Variants in NPAS3 observed in about 807,000 individuals in gnomAD.
NPAS3 encodes the protein neuronal PAS domain-containing protein 3.
NPAS3 carries 14 observed loss-of-function variants against 73.1 expected under a neutral mutation model. The ratio of observed to expected loss-of-function variants is 0.19; its 90% CI spans 0.13 to 0.30. The LOEUF is 0.30. Among genes scored for constraint, NPAS3 ranks in the 10% least tolerant of loss-of-function variants. NPAS3 has a pLI of 1.00. For synonymous variants in NPAS3, 620 were observed against 541.5 expected (o/e 1.14, Z -2.01); for missense variants, 1,096 against 1,250.0 (o/e 0.88, Z 1.86).
At position 33,800,313 on chromosome 14, in the gene NPAS3, C is replaced by A; in HGVS notation, c.2006C>A (p.Pro669His). 6.2e-7 allele frequency: 1 copy of A among 1,613,438 alleles called. No individual in the cohort carries two copies. Among genetic ancestry groups the A allele is most frequent in the Non-Finnish European group, 8.5e-7 (1 of 1,179,642 alleles). ...GACAGCAGCATCTGGAACTACCCGC[C>A]CAACCGGGAGATCTCCAGGAACGAG... The change falls in exon 12 of 12, where the codon CCC (proline) becomes CAC (histidine). Residue 669 changes from proline (P) to histidine (H), a missense_variant. Physicochemically the swap from Pro to His is moderately conservative, Grantham distance 77. Coordinates refer to ENST00000356141, the Ensembl canonical transcript of NPAS3. The surrounding 1 kb of genome is among the most constrained non-coding windows in gnomAD (Gnocchi z 6.5).
intron 1 of NPAS3, among the ~76,000 whole-genome samples, chr14:33,020,451 A>C (rs2039552228): frequency 6.6e-6 from 1 of 152,236 alleles, no homozygotes; most frequent in African/African-American, 2.4e-5. Flanking sequence ...ATGCAGGGAA[A>C]ATCCAGTGAA....
chr14:33,350,144 T>G (rs775447553), intron 3 of NPAS3, among the ~76,000 whole-genome samples: 2 of 152,176 alleles, frequency 1.3e-5, no homozygotes, highest in African/African-American at 2.4e-5. Context: ...TTCACTGTAA[T>G]GAGCTCTGGT....
intron 4 of NPAS3, among the ~76,000 whole-genome samples, chr14:33,475,579 A>G (rs578221216): frequency 6.6e-6 from 1 of 151,660 alleles, no homozygotes; most frequent in Admixed American, 6.6e-5. Context: ...CTAATTTTAT[A>G]AACAGATCTT....
chr14:32,972,235 G>A (rs1248673830), intron 1 of NPAS3, among the ~76,000 whole-genome samples: 1 of 151,812 alleles, frequency 6.6e-6, no homozygotes, highest in African/African-American at 2.4e-5. Context: ...ACCGCGCCTG[G>A]CCATCAGTGG....
intron 5 of NPAS3, among the ~76,000 whole-genome samples, chr14:33,632,602 T>C (rs1267841791): frequency 1.3e-5 from 2 of 152,126 alleles, no homozygotes; most frequent in Non-Finnish European, 2.9e-5. Flanking sequence ...GAGTCTATGG[T>C]TTGGGCCTTT....
chr14:33,366,512 G>A lies in NPAS3; in HGVS notation c.386-674G>A, dbSNP rs545024346. ...AAAACAGGAGTGTTCGGGAACTCCA[G>A]ATAAGAAACAGTCACTGACCTGGTG... On this transcript the variant is annotated intron_variant, in intron 3 of 11. Transcript: ENST00000356141. 9.2e-5 allele frequency among the ~76,000 whole-genome samples: 14 copies of A among 152,258 alleles called. No individual in the cohort carries two copies. In the South Asian group the frequency reaches 2.9e-3, roughly 32 times the overall value.
At chr14:33,400,412 C>T (rs2047397658) in intron 4 of NPAS3, among the ~76,000 whole-genome samples, 1 of 152,072 alleles carries the variant, frequency 6.6e-6, no homozygotes. Flanking sequence ...TTGTTAGGGC[C>T]ATAGAGAGAA....
chr14:33,640,662 G>T (rs1003026137), intron 5 of NPAS3, among the ~76,000 whole-genome samples: 1 of 152,076 alleles, frequency 6.6e-6, no homozygotes, highest in Non-Finnish European at 1.5e-5. Context: ...CAATTGCAGC[G>T]GTCTACCAAG....
intron 1 of NPAS3, among the ~76,000 whole-genome samples, chr14:33,024,899 C>T (rs1214386845): frequency 1.3e-5 from 2 of 152,114 alleles, no homozygotes; most frequent in African/African-American, 4.8e-5. Flanking sequence ...GACCACAATA[C>T]CCATGTAATG....
intron 2 of NPAS3, among the ~76,000 whole-genome samples, chr14:33,154,799 G>A (rs1374699920): frequency 1.3e-5 from 2 of 152,128 alleles, no homozygotes; most frequent in African/African-American, 4.8e-5. Context: ...TTTGTACTAT[G>A]TTTGAAATGA....
intron 2 of NPAS3, among the ~76,000 whole-genome samples, chr14:33,185,565 G>A (rs1035957697): frequency 3.3e-5 from 5 of 152,048 alleles, no homozygotes; most frequent in African/African-American, 1.2e-4. Flanking sequence ...TAGGAATGGT[G>A]GTAAGGATTC....
At chr14:33,052,737 C>T (rs1312102210) in intron 1 of NPAS3, among the ~76,000 whole-genome samples, 1 of 152,150 alleles carries the variant, frequency 6.6e-6, no homozygotes, top group Non-Finnish European at 1.5e-5. Context: ...GTGGCAATAC[C>T]TAGGCACAAG....
chr14:33,787,710 G>A (rs2063222150), intron 9 of NPAS3, among the ~76,000 whole-genome samples: 1 of 152,008 alleles, frequency 6.6e-6, no homozygotes, highest in South Asian at 2.1e-4. Context: ...CAAAGCCTCG[G>A]TTGATCCTAT....
In NPAS3 at chr14:33,197,807, T is replaced by G. The variant is rs188894791; in HGVS notation, c.141-17375T>G. Among the ~76,000 whole-genome samples, 111 of 152,366 alleles carry G rather than the reference T, an allele frequency of 7.3e-4. 1 individual carries two copies. The highest frequency in any genetic ancestry group is 2.5e-3 in the African/African-American group (105 of 41,592). ...CCTTTCTCTGTAATCTCTTATGTGTTCTCTTTGGAGCAACTGCTGTGTCCC... is the reference window on the plus strand; with the variant it reads ...CCTTTCTCTGTAATCTCTTATGTGTGCTCTTTGGAGCAACTGCTGTGTCCC... On this transcript the variant is annotated intron_variant, in intron 2 of 11. Transcript: ENST00000356141.
At chr14:33,401,854 T>G (rs1325576661) in intron 4 of NPAS3, among the ~76,000 whole-genome samples, 1 of 151,966 alleles carries the variant, frequency 6.6e-6, no homozygotes, top group African/African-American at 2.4e-5. Flanking sequence ...CCAGCAGATC[T>G]TTGGTGGAAA....
At chr14:33,786,078 G>A (rs2063163920) in intron 9 of NPAS3, among the ~76,000 whole-genome samples, 2 of 152,162 alleles carry the variant, frequency 1.3e-5, no homozygotes, top group South Asian at 4.1e-4. Flanking sequence ...ACTGGCAAGC[G>A]GGTAGAATTA....
At chr14:33,203,574 T>C (rs983121154) in intron 2 of NPAS3, among the ~76,000 whole-genome samples, 2 of 152,120 alleles carry the variant, frequency 1.3e-5, no homozygotes, top group African/African-American at 4.8e-5. Flanking sequence ...ATGCGGTGTT[T>C]GGTTTTTTGT....
At chr14:33,671,730 G>T (rs2059615636) in intron 5 of NPAS3, among the ~76,000 whole-genome samples, 1 of 152,196 alleles carries the variant, frequency 6.6e-6, no homozygotes, top group South Asian at 2.1e-4. Context: ...TTCAGCTGGA[G>T]TAAAGTTAGA....
At chr14:33,147,677 TAACA>T (rs960945727) in intron 2 of NPAS3, among the ~76,000 whole-genome samples, 52 of 148,142 alleles carry the variant, frequency 3.5e-4, no homozygotes, top group African/African-American at 1.2e-3. Context: ...TATACATATG[TAACA>T]AACCTGCACA....
Sources: allele counts gnomAD v4.1 joint callset (sites outside exome capture counted in the v4.1 genomes callset), GRCh38; gene constraint gnomAD v4.1.1; non-coding constraint Gnocchi (gnomAD v3.1); transcripts MANE v1.5; gene names NCBI Gene and HGNC (gene_info 2026-07-23, HGNC 2026-07-21).